Variants in ABCA13 observed in about 807,000 individuals in gnomAD.
ABCA13 encodes the protein ATP-binding cassette sub-family A member 13.
Under a neutral mutation model 478.7 loss-of-function variants are expected in ABCA13, and 476 were observed. The observed-to-expected ratio is 0.99, with a 90% CI of 0.92 to 1.07. ABCA13 has a LOEUF of 1.07. Ranked by LOEUF, ABCA13 falls within the 50% of genes least tolerant of loss-of-function variation. The pLI, the probability that ABCA13 is intolerant of heterozygous loss-of-function variation, is 0.00. For missense variants in ABCA13, 6,060 were observed against 5,910.6 expected (o/e 1.03, Z -0.83); for synonymous variants, 2,252 against 2,158.9 (o/e 1.04, Z -1.20).
chr7:48,513,242 G>A (rs896719446), intron 51 of ABCA13, among the ~76,000 whole-genome samples: 1 of 152,186 alleles, frequency 6.6e-6, no homozygotes, highest in Admixed American at 6.5e-5. Flanking sequence ...CTAAGAGCAC[G>A]TCCAGGCATT....
chr7:48,473,936 G>C (rs1827800512), intron 45 of ABCA13, among the ~76,000 whole-genome samples: 1 of 152,234 alleles, frequency 6.6e-6, no homozygotes, highest in South Asian at 2.1e-4. Context: ...CACTCAGAGT[G>C]TTGGTTGATA....
intron 58 of ABCA13, among the ~76,000 whole-genome samples, chr7:48,600,755 CT>C (rs1277317669): frequency 2.6e-5 from 4 of 152,004 alleles, no homozygotes; most frequent in Non-Finnish European, 5.9e-5. Flanking sequence ...TTAAGTTTCA[CT>C]TTATACACTT....
At chr7:48,432,406 G>A (rs928903067) in intron 42 of ABCA13, among the ~76,000 whole-genome samples, 8 of 152,204 alleles carry the variant, frequency 5.3e-5, no homozygotes, top group African/African-American at 1.9e-4. Flanking sequence ...ATAGAAAATA[G>A]TATGAAAGTT....
intron 23 of ABCA13, among the ~76,000 whole-genome samples, chr7:48,309,253 C>A (rs1014594684): frequency 6.6e-6 from 1 of 152,088 alleles, no homozygotes; most frequent in East Asian, 1.9e-4. Context: ...GCAATCATAC[C>A]CATCAGGAGC....
intron 34 of ABCA13, among the ~76,000 whole-genome samples, chr7:48,375,652 G>A (rs567150371): frequency 6.6e-6 from 1 of 152,026 alleles, no homozygotes; most frequent in Admixed American, 6.5e-5. Context: ...GTAAAACCAT[G>A]CTATAAGTAA....
chr7:48,396,743 A>G (rs945596677), intron 38 of ABCA13, among the ~76,000 whole-genome samples: 1 of 152,206 alleles, frequency 6.6e-6, no homozygotes, highest in African/African-American at 2.4e-5. Context: ...TAGTGAATGC[A>G]GTAGCTTTAA....
intron 32 of ABCA13, among the ~76,000 whole-genome samples, chr7:48,369,605 C>T (rs1322224204): frequency 3.3e-5 from 5 of 152,146 alleles, no homozygotes; most frequent in Admixed American, 3.3e-4. Flanking sequence ...CATTCTTCAA[C>T]ATGTGGGTTG....
chr7:48,557,149 C>A (rs1028247316), intron 55 of ABCA13, among the ~76,000 whole-genome samples: 10 of 151,966 alleles, frequency 6.6e-5, no homozygotes, highest in Non-Finnish European at 1.2e-4. Context: ...TTTGTACTAT[C>A]TATGTCTTCA....
chr7:48,593,080 ATAGG>A (rs1789917089), intron 57 of ABCA13, among the ~76,000 whole-genome samples: 1 of 151,970 alleles, frequency 6.6e-6, no homozygotes, highest in South Asian at 2.1e-4. Context: ...GTAATTATTA[ATAGG>A]TAGGATCATA....
chr7:48,296,705 G>A (rs543100398), intron 21 of ABCA13, among the ~76,000 whole-genome samples: 9 of 152,006 alleles, frequency 5.9e-5, no homozygotes, highest in Admixed American at 3.9e-4. Flanking sequence ...CTCATGATCC[G>A]CCCCCTTCGG....
intron 42 of ABCA13, among the ~76,000 whole-genome samples, chr7:48,435,362 A>G (rs1822693087): frequency 1.3e-5 from 2 of 151,878 alleles, no homozygotes; most frequent in Admixed American, 6.6e-5. Context: ...TTGTATCCTG[A>G]AACTTTGGTG....
chr7:48,639,314 G>A (rs1794928930), intron 59 of ABCA13, among the ~76,000 whole-genome samples: 1 of 152,186 alleles, frequency 6.6e-6, no homozygotes, highest in Non-Finnish European at 1.5e-5. Context: ...GCATCCAAAG[G>A]AAACCTATTA....
chr7:48,643,181 T>C, intron 59 of ABCA13, 107 bp from the exon 60 acceptor site: 1 of 680,626 alleles, frequency 1.5e-6, no homozygotes, highest in South Asian at 2.3e-5. Context: ...CCCAACAATT[T>C]GGAGTAATTA....
intron 51 of ABCA13, among the ~76,000 whole-genome samples, chr7:48,514,327 C>T (rs1001414963): frequency 3.3e-5 from 5 of 152,102 alleles, no homozygotes; most frequent in Non-Finnish European, 5.9e-5. Context: ...GGTTGAATAT[C>T]GTGTTGTTAA....
intron 47 of ABCA13, among the ~76,000 whole-genome samples, chr7:48,487,180 C>T (rs1299547478): frequency 6.6e-6 from 1 of 151,996 alleles, no homozygotes; most frequent in African/African-American, 2.4e-5. Context: ...CGTGGTGGCA[C>T]ATGCCTGTAA....
chr7:48,304,694 A>T (rs1367794673), intron 23 of ABCA13, among the ~76,000 whole-genome samples: 2 of 152,204 alleles, frequency 1.3e-5, no homozygotes, highest in Non-Finnish European at 2.9e-5. Flanking sequence ...GGGTGATGTG[A>T]TGGTTCATAC....
chr7:48,375,471 A>T (rs1433552253), intron 34 of ABCA13, among the ~76,000 whole-genome samples: 2 of 152,252 alleles, frequency 1.3e-5, no homozygotes, highest in Non-Finnish European at 2.9e-5. Flanking sequence ...CATAAAATAG[A>T]GTGCAATTAT....
intron 15 of ABCA13, among the ~76,000 whole-genome samples, chr7:48,261,001 T>C (rs1794097697): frequency 6.6e-6 from 1 of 151,960 alleles, no homozygotes; most frequent in African/African-American, 2.4e-5. Context: ...AAATGTCTTT[T>C]TTTTTTACTC....
At chr7:48,396,511 C>G (rs1585145061) in intron 38 of ABCA13, among the ~76,000 whole-genome samples, 1 of 152,184 alleles carries the variant, frequency 6.6e-6, no homozygotes, top group African/African-American at 2.4e-5. Context: ...ACCTAGGACT[C>G]TCAGATGCAA....
Sources: gnomAD v4.1 joint callset for allele counts (sites outside exome capture counted in the v4.1 genomes callset) on GRCh38, gnomAD v4.1.1 for gene constraint, MANE v1.5 for transcripts, NCBI Gene and HGNC (gene_info 2026-07-23, HGNC 2026-07-21) for gene names.